Variants in TRMT44 observed in about 807,000 individuals in gnomAD.
TRMT44 encodes the protein probable tRNA (uracil-O(2)-)-methyltransferase.
TRMT44 carries 78 observed loss-of-function variants against 77.3 expected under a neutral mutation model. The ratio of observed to expected loss-of-function variants is 1.01; its 90% CI spans 0.84 to 1.22. The LOEUF is 1.22. TRMT44 is among the 50% of genes most tolerant of loss of function. The pLI, the probability that TRMT44 is intolerant of heterozygous loss-of-function variation, is 0.00. For synonymous variants in TRMT44, 391 were observed against 383.3 expected (o/e 1.02, Z -0.23); for missense variants, 1,090 against 964.4 (o/e 1.13, Z -1.73).
At chr4:8,472,116 GTCT>G (rs905178349) in intron 10 of TRMT44, among the ~76,000 whole-genome samples, 22 of 151,700 alleles carry the variant, frequency 1.5e-4, no homozygotes, top group African/African-American at 4.8e-4. Context: ...AATAGTAGGT[GTCT>G]TCTTGTGTCA....
At chr4:8,481,404 A>G (rs759009139), downstream of TRMT44, among the ~76,000 whole-genome samples, 1 of 152,218 alleles carries the variant, frequency 6.6e-6, no homozygotes, top group African/African-American at 2.4e-5. Flanking sequence ...GGACTGTGTC[A>G]TGGGCCATGG....
chr4:8,462,514 G>A (rs983988487), intron 6 of TRMT44, among the ~76,000 whole-genome samples: 1 of 152,134 alleles, frequency 6.6e-6, no homozygotes, highest in Non-Finnish European at 1.5e-5. Flanking sequence ...AGACCAGCCT[G>A]ACTAACATGG....
intron 6 of TRMT44, among the ~76,000 whole-genome samples, chr4:8,462,695 C>T (rs992550527): frequency 2.4e-4 from 37 of 152,190 alleles, no homozygotes; most frequent in African/African-American, 8.9e-4. Context: ...CGGAGCAAGA[C>T]TCCGTCTCAA....
At chr4:8,512,171 A>G in the TRMT44 span, 1 of 151,396 alleles carries the variant, frequency 6.6e-6, no homozygotes, top group East Asian at 1.9e-4. Context: ...GGTTCAAGCA[A>G]TTCTCCTGCC....
At chr4:8,462,236 C>A (rs1726202389) in intron 6 of TRMT44, among the ~76,000 whole-genome samples, 1 of 151,514 alleles carries the variant, frequency 6.6e-6, no homozygotes, top group Non-Finnish European at 1.5e-5. Flanking sequence ...CATGGAGAAA[C>A]CCCCGTCTCT....
At chr4:8,486,420 GTTAA>G (rs1265764002) in intron 2 of TRMT44, among the ~76,000 whole-genome samples, 1 of 152,188 alleles carries the variant, frequency 6.6e-6, no homozygotes, top group Non-Finnish European at 1.5e-5. Flanking sequence ...TGAAGGCGAG[GTTAA>G]TTAAGTCCTG....
Position 8,467,919 on chromosome 4 carries a change from T to C in TRMT44, c.1500T>C (p.Cys500=). 1 of 1,601,276 alleles carries C rather than the reference T, an allele frequency of 6.2e-7. No individual in the cohort carries two copies. Among genetic ancestry groups the C allele is most frequent in the Non-Finnish European group, 8.5e-7 (1 of 1,170,714 alleles). ...TTTGCTTTCTTCAAACGCAGGTCTG[T>C]CTCGTTGGAAAATCCAGAACATACC... is the stretch of plus-strand genomic sequence containing the variant. The part of the protein sequence containing the change: ...CLRIPSTKRV[C]LVGKSRTYPS... Residue 500 remains cysteine, a synonymous_variant, in exon 9 of 11, where the codon TGT becomes TGC. Coordinates refer to ENST00000389737, the MANE Select transcript of TRMT44 (RefSeq NM_152544.3).
downstream of TRMT44, among the ~76,000 whole-genome samples, chr4:8,495,347 G>A (rs1728120149): frequency 6.6e-6 from 1 of 152,186 alleles, no homozygotes; most frequent in South Asian, 2.1e-4. Flanking sequence ...GCCAGAGTCA[G>A]GATTTCCACG....
intron 2 of TRMT44, among the ~76,000 whole-genome samples, chr4:8,487,001 G>C (rs987615753): frequency 1.3e-5 from 2 of 152,158 alleles, no homozygotes; most frequent in Non-Finnish European, 2.9e-5. Context: ...AGGCGGGAGG[G>C]AAAGAAGGAA....
At chr4:8,472,885 GTCTT>G (rs906213976) in intron 10 of TRMT44, among the ~76,000 whole-genome samples, 10 of 152,212 alleles carry the variant, frequency 6.6e-5, no homozygotes, top group African/African-American at 2.2e-4. Context: ...GCCTCTTTCT[GTCTT>G]TCCCAACACT....
chr4:8,500,443 C>G, the TRMT44 span, among the ~76,000 whole-genome samples: 24 of 151,794 alleles, frequency 1.6e-4, no homozygotes, highest in South Asian at 5.0e-3. Context: ...TTGCTGTGAG[C>G]CAAGATAATG....
downstream of TRMT44, chr4:8,493,669 A>C (rs1728077269): frequency 6.6e-6 from 1 of 152,208 alleles, no homozygotes; most frequent in Non-Finnish European, 1.5e-5. Context: ...TGTTGGATCC[A>C]GGCACCTCTC....
At chr4:8,480,010 A>G (rs2109211264), downstream of TRMT44, among the ~76,000 whole-genome samples, 1 of 152,078 alleles carries the variant, frequency 6.6e-6, no homozygotes, top group South Asian at 2.1e-4. Flanking sequence ...CCCCCCAAGT[A>G]GCTGGGACCA....
chr4:8,446,351 C>T lies in TRMT44; in HGVS notation c.620-125C>T. ...GGCAAAAGTTCCTCTCCTGGAGTGC[C>T]ATTGTGAATAGAGTGCTGGGGGATT... On this transcript the variant is annotated intron_variant, in intron 1 of 10. Transcript: ENST00000389737. This position sits in a 1 kb window ranked among gnomAD's most constrained non-coding sequence, Gnocchi z 4.3. 1.6e-6 allele frequency: 1 copy of T among 634,580 alleles called. No homozygotes were observed. Among genetic ancestry groups the T allele is most frequent in the Admixed American group, 2.8e-5 (1 of 36,200 alleles). 39.3% of individuals were successfully genotyped at this position (634,580 alleles called of 1,614,324 possible). A position where few individuals can be genotyped will look rare whatever the true frequency, so the allele number is the denominator to read the frequency against.
At chr4:8,443,010 A>G (rs944787024) in intron 1 of TRMT44, among the ~76,000 whole-genome samples, 3 of 152,164 alleles carry the variant, frequency 2.0e-5, no homozygotes, top group Admixed American at 2.0e-4. Context: ...AGTCCTGGGT[A>G]TTACGGCATG....
At chr4:8,464,656 C>T (rs1579068050) in intron 7 of TRMT44, among the ~76,000 whole-genome samples, 1 of 152,230 alleles carries the variant, frequency 6.6e-6, no homozygotes, top group African/African-American at 2.4e-5. Flanking sequence ...CAGGTCTTCG[C>T]TCAGGCTTCG....
At chr4:8,456,010 C>G (rs1393951826) in intron 6 of TRMT44, among the ~76,000 whole-genome samples, 1 of 152,118 alleles carries the variant, frequency 6.6e-6, no homozygotes, top group African/African-American at 2.4e-5. Flanking sequence ...CATTTACAAC[C>G]ATGAAATACA....
downstream of TRMT44, among the ~76,000 whole-genome samples, chr4:8,497,158 A>AG (rs1237018196): frequency 2.3e-5 from 3 of 129,882 alleles, no homozygotes; most frequent in Admixed American, 1.7e-4. Flanking sequence ...AGCAAGGTTG[A>AG]GGGAAAAAAA....
chr4:8,486,316 C>T (rs969055392), intron 2 of TRMT44, among the ~76,000 whole-genome samples: 6 of 152,268 alleles, frequency 3.9e-5, no homozygotes, highest in Non-Finnish European at 7.3e-5. Context: ...TTCTTGTGTG[C>T]TGGAGATGTG....
Sources: gnomAD v4.1 joint callset for allele counts (sites outside exome capture counted in the v4.1 genomes callset) on GRCh38, gnomAD v4.1.1 for gene constraint, Gnocchi (gnomAD v3.1) non-coding constraint, MANE v1.5 for transcripts, NCBI Gene and HGNC (gene_info 2026-07-23, HGNC 2026-07-21) for gene names.